TAFA2: variants seen among roughly 807,000 people sequenced by gnomAD.
TAFA2 encodes the protein TAFA chemokine like family member 2.
In TAFA2, 7 loss-of-function variants were observed where a neutral mutation model predicts 18.8. That is an observed-to-expected ratio of 0.37 (90% CI 0.21 to 0.70). The LOEUF (loss-of-function observed/expected upper bound fraction) is 0.70, where lower values mean the gene tolerates loss of function less well. Among genes scored for constraint, TAFA2 ranks in the 30% least tolerant of loss-of-function variants. The pLI is 0.53. For missense variants in TAFA2, 122 were observed against 158.1 expected, an observed-to-expected ratio of 0.77 and a Z score of 1.23; for synonymous variants, 60 against 54.2, an observed-to-expected ratio of 1.11 and a Z score of -0.47.
At chr12:61,814,853 T>C (rs1872012701) in intron 2 of TAFA2, among the ~76,000 whole-genome samples, 1 of 151,334 alleles carries the variant, frequency 6.6e-6, no homozygotes, top group Admixed American at 6.6e-5. Flanking sequence ...AGATGAAGGG[T>C]GAAGCCACAA....
chr12:61,964,508 C>A (rs1270241311), intron 1 of TAFA2, among the ~76,000 whole-genome samples: 2 of 151,742 alleles, frequency 1.3e-5, no homozygotes, highest in African/African-American at 4.8e-5. Flanking sequence ...TTCAAATCCA[C>A]CTTATACCAA....
intron 1 of TAFA2, among the ~76,000 whole-genome samples, chr12:62,014,617 G>A (rs1880871420): frequency 6.6e-6 from 1 of 152,076 alleles, no homozygotes; most frequent in South Asian, 2.1e-4. Flanking sequence ...AGGTGACAGG[G>A]CCAGACTCTG....
chr12:62,091,482 A>G (rs1868710430), intron 1 of TAFA2, among the ~76,000 whole-genome samples: 1 of 151,908 alleles, frequency 6.6e-6, no homozygotes, highest in Non-Finnish European at 1.5e-5. Flanking sequence ...CAGCTCTTAT[A>G]TTTTTATACC....
intron 4 of TAFA2, among the ~76,000 whole-genome samples, chr12:61,712,939 GC>G (rs970337312): frequency 1.3e-5 from 2 of 152,048 alleles, no homozygotes; most frequent in Non-Finnish European, 2.9e-5. Context: ...TTAACACCTA[GC>G]TTTGTCAACC....
chr12:62,204,486 T>C (rs1235848796), intron 1 of TAFA2, among the ~76,000 whole-genome samples: 1 of 152,160 alleles, frequency 6.6e-6, no homozygotes, highest in Non-Finnish European at 1.5e-5. Flanking sequence ...GTTCAGTCTT[T>C]TTACATAAGC....
At chr12:61,999,714 A>G (rs1234509532) in intron 1 of TAFA2, among the ~76,000 whole-genome samples, 2 of 152,234 alleles carry the variant, frequency 1.3e-5, no homozygotes, top group Non-Finnish European at 1.5e-5. Context: ...TAAAGGAGGC[A>G]TTGCATATCA....
At chr12:62,131,886 G>T (rs548690211) in intron 1 of TAFA2, among the ~76,000 whole-genome samples, 6 of 151,758 alleles carry the variant, frequency 4.0e-5, no homozygotes, top group Admixed American at 3.3e-4. Context: ...TTGTTTCTAT[G>T]ATGACTGTTT....
At chr12:62,180,798 TAAC>T (rs146304557) in intron 1 of TAFA2, among the ~76,000 whole-genome samples, 8,226 of 151,834 alleles carry the variant, frequency 0.054, 268 homozygotes, top group African/African-American at 0.084. Context: ...TTTCTGAAGT[TAAC>T]AAAAAAAAAG....
At chr12:62,012,052 A>C (rs1880789194) in intron 1 of TAFA2, among the ~76,000 whole-genome samples, 1 of 152,214 alleles carries the variant, frequency 6.6e-6, no homozygotes, top group African/African-American at 2.4e-5. Flanking sequence ...TTCTTAAATC[A>C]TTTCATAGTA....
rs1326577692 is a variant in TAFA2, at chr12:61,972,554, T to C, written c.-1-105128A>G. Among the ~76,000 whole-genome samples, 6 of 151,628 alleles carry C rather than the reference T, an allele frequency of 4.0e-5. No homozygotes were observed. In the Admixed American group the frequency reaches 4.0e-4, roughly 10 times the overall value. ...ACCCTGACTGATGATATGCATGGTATAGAGGAATTAGGACTGGGTAACTTA... is the reference window on the plus strand; with the variant it reads ...ACCCTGACTGATGATATGCATGGTACAGAGGAATTAGGACTGGGTAACTTA... On this transcript the variant is annotated intron_variant, in intron 1 of 4. Coordinates refer to ENST00000416284, the MANE Select transcript of TAFA2 (RefSeq NM_178539.5).
chr12:62,177,509 A>G (rs1309277293), intron 1 of TAFA2, among the ~76,000 whole-genome samples: 7 of 152,204 alleles, frequency 4.6e-5, no homozygotes, highest in African/African-American at 1.7e-4. Context: ...GGAGATCTCA[A>G]CCATTCAGAG....
chr12:61,957,967 T>C (rs1483054275), intron 1 of TAFA2, among the ~76,000 whole-genome samples: 3 of 152,052 alleles, frequency 2.0e-5, no homozygotes, highest in Non-Finnish European at 4.4e-5. Context: ...ACACAACCTT[T>C]ACTCTTTGCT....
At chr12:61,852,799 G>A in intron 2 of TAFA2, among the ~76,000 whole-genome samples, 1 of 151,940 alleles carries the variant, frequency 6.6e-6, no homozygotes, top group Non-Finnish European at 1.5e-5. Flanking sequence ...AAAATAGGAA[G>A]AAAAATCAAA....
At position 61,823,221 on chromosome 12, in the gene TAFA2, G is replaced by T. The variant is rs1872394400; in HGVS notation, c.106+44099C>A. ...AGGGTCTCACTCTGTTGTCCAGGCTGGAGTGCAGTGGCATGATCATAGCTC... is the reference window on the plus strand; with the variant it reads ...AGGGTCTCACTCTGTTGTCCAGGCTTGAGTGCAGTGGCATGATCATAGCTC... On this transcript the variant is annotated intron_variant, in intron 2 of 4. Coordinates refer to ENST00000416284, the MANE Select transcript of TAFA2 (RefSeq NM_178539.5). Among the ~76,000 whole-genome samples, 3 of 151,932 alleles carry T rather than the reference G, an allele frequency of 2.0e-5. No individual in the cohort carries two copies. The South Asian group carries it at 6.2e-4, about 32-fold the overall frequency.
intron 1 of TAFA2, among the ~76,000 whole-genome samples, chr12:62,022,723 T>C (rs1431592232): frequency 5.3e-5 from 8 of 152,244 alleles, no homozygotes; most frequent in African/African-American, 1.9e-4. Flanking sequence ...ACTGAACAGC[T>C]GTAGCATAAA....
At chr12:62,185,566 A>G (rs2062580470) in intron 1 of TAFA2, among the ~76,000 whole-genome samples, 2 of 152,246 alleles carry the variant, frequency 1.3e-5, no homozygotes, top group African/African-American at 4.8e-5. Context: ...CATTTACCAT[A>G]TAACTATAAC....
At chr12:61,903,568 C>A (rs936144772) in intron 1 of TAFA2, among the ~76,000 whole-genome samples, 1 of 152,106 alleles carries the variant, frequency 6.6e-6, no homozygotes, top group South Asian at 2.1e-4. Flanking sequence ...CACTGGCTGG[C>A]TCAATAAATA....
At chr12:62,095,710 C>G (rs1288405571) in intron 1 of TAFA2, among the ~76,000 whole-genome samples, 1 of 152,130 alleles carries the variant, frequency 6.6e-6, no homozygotes, top group African/African-American at 2.4e-5. Context: ...TTCCAGGAAT[C>G]TGCATTCAAC....
chr12:61,819,672 A>T (rs1275957660), intron 2 of TAFA2, among the ~76,000 whole-genome samples: 1 of 152,104 alleles, frequency 6.6e-6, no homozygotes, highest in Non-Finnish European at 1.5e-5. Flanking sequence ...AGAATCCAAA[A>T]TTCCACTGCA....
Sources: gnomAD v4.1 joint callset for allele counts (sites outside exome capture counted in the v4.1 genomes callset) on GRCh38, gnomAD v4.1.1 for gene constraint, MANE v1.5 for transcripts, NCBI Gene and HGNC (gene_info 2026-07-23, HGNC 2026-07-21) for gene names.